Variants in TMEM132C observed in about 807,000 individuals in gnomAD.
TMEM132C encodes transmembrane protein 132C.
A neutral mutation model predicts 61.4 loss-of-function variants in TMEM132C; 29 were observed. That is an observed-to-expected ratio of 0.47 (90% CI 0.35 to 0.64). The LOEUF is 0.64. Among genes scored for constraint, TMEM132C ranks in the 30% least tolerant of loss-of-function variants. TMEM132C has a pLI of 0.00. For synonymous variants in TMEM132C, 656 were observed against 633.1 expected, an observed-to-expected ratio of 1.04 and a Z score of -0.54; for missense variants, 1,408 against 1,476.9, an observed-to-expected ratio of 0.95 and a Z score of 0.76.
At chr12:128,497,207 G>T (rs2136105631) in intron 2 of TMEM132C, among the ~76,000 whole-genome samples, 1 of 152,338 alleles carries the variant, frequency 6.6e-6, no homozygotes, top group East Asian at 1.9e-4. Flanking sequence ...CGTCTCAGAG[G>T]GGTACCCAGC....
intron 2 of TMEM132C, among the ~76,000 whole-genome samples, chr12:128,450,262 A>G (rs903763224): frequency 3.3e-5 from 5 of 152,174 alleles, no homozygotes; most frequent in African/African-American, 9.7e-5. Context: ...GCTACTGGCT[A>G]TCATATTGGA....
At chr12:128,463,783 G>A (rs1870624140) in intron 2 of TMEM132C, among the ~76,000 whole-genome samples, 1 of 152,022 alleles carries the variant, frequency 6.6e-6, no homozygotes, top group South Asian at 2.1e-4. Context: ...CCCCATTTGT[G>A]TGCCTTCCCT....
intron 3 of TMEM132C, among the ~76,000 whole-genome samples, chr12:128,600,692 G>A (rs12814445): frequency 0.31 from 47,322 of 152,014 alleles, 8,012 homozygotes; most frequent in Middle Eastern, 0.46. Context: ...AATGGATGGG[G>A]CCCTGATCAC....
In TMEM132C at chr12:128,570,347, G is replaced by A. The variant is rs188369130; in HGVS notation, c.1121+26244G>A. On this transcript the variant is annotated intron_variant, in intron 3 of 8. Transcript: ENST00000435159. The surrounding 1 kb of genome is among the most constrained non-coding windows in gnomAD (Gnocchi z 4.7). Reference sequence around the variant, plus strand: ...CTTTTCCAAGTAATTCACAACACGTGAGTGCATTCATGGGCCTTTACAAAT... The same window carrying A: ...CTTTTCCAAGTAATTCACAACACGTAAGTGCATTCATGGGCCTTTACAAAT... Among the ~76,000 whole-genome samples the A allele has an allele frequency of 2.0e-5, 3 of 152,302 alleles. No individual in the cohort carries two copies. Among genetic ancestry groups the A allele is most frequent in the Admixed American group, 1.3e-4 (2 of 15,298 alleles).
chr12:128,472,879 T>C (rs73422506), intron 2 of TMEM132C, among the ~76,000 whole-genome samples: 10,867 of 152,274 alleles, frequency 0.071, 458 homozygotes, highest in Middle Eastern at 0.1. Flanking sequence ...CACATATATA[T>C]GAAGTCTGGC....
In TMEM132C at chr12:128,620,132, T is replaced by C. The variant is rs189498634; in HGVS notation, c.1305+3797T>C. ...CTGTAGACCCAGCTCCTAGGGAGGC[T>C]GAGGTGGGAGGATCGCTTAAGCCCA... On this transcript the variant is annotated intron_variant, in intron 4 of 8. Transcript: ENST00000435159. 2.9e-4 allele frequency among the ~76,000 whole-genome samples: 43 copies of C among 146,214 alleles called. No individual in the cohort carries two copies. The East Asian group carries it at 7.9e-3, about 27-fold the overall frequency.
chr12:128,282,950 A>C (rs1428016515), intron 1 of TMEM132C, among the ~76,000 whole-genome samples: 3 of 152,156 alleles, frequency 2.0e-5, no homozygotes, highest in Non-Finnish European at 4.4e-5. Context: ...AATATTAATG[A>C]TGTTCTCTTT....
intron 3 of TMEM132C, among the ~76,000 whole-genome samples, chr12:128,606,972 G>A (rs1054268071): frequency 5.9e-5 from 9 of 152,306 alleles, no homozygotes; most frequent in African/African-American, 2.2e-4. Context: ...TAGATAAGAG[G>A]AGGTGGAAGA....
rs563415515 is a variant in TMEM132C, at chr12:128,550,089, C to A, written c.1121+5986C>A. 3.3e-5 allele frequency among the ~76,000 whole-genome samples: 5 copies of A among 152,322 alleles called. No individual in the cohort carries two copies. The South Asian group carries it at 1.0e-3, about 32-fold the overall frequency. On this transcript the variant is annotated intron_variant, in intron 3 of 8. Transcript: ENST00000435159. ...CGGTAGGTGTGTTAGCCAGCTAGGG[C>A]TGCCTGAACAAAATTCCACAGACTG...
intron 2 of TMEM132C, among the ~76,000 whole-genome samples, chr12:128,444,999 G>T (rs373824516): frequency 3.7e-4 from 56 of 152,212 alleles, no homozygotes; most frequent in African/African-American, 1.3e-3. Context: ...CTTTCCCGCC[G>T]TTGGGGTTAA....
At chr12:128,665,208 AACAG>A (rs1044856117) in intron 4 of TMEM132C, among the ~76,000 whole-genome samples, 3 of 126,640 alleles carry the variant, frequency 2.4e-5, no homozygotes, top group African/African-American at 9.2e-5. Flanking sequence ...CCCATATGTA[AACAG>A]ACACTCATAC....
intron 1 of TMEM132C, among the ~76,000 whole-genome samples, chr12:128,307,927 G>A (rs892250537): frequency 6.6e-6 from 1 of 152,192 alleles, no homozygotes; most frequent in Non-Finnish European, 1.5e-5. Flanking sequence ...CTGACTGTCA[G>A]TCCCTTAGGG....
intron 1 of TMEM132C, among the ~76,000 whole-genome samples, chr12:128,381,902 T>A (rs747391672): frequency 1.1e-3 from 162 of 152,170 alleles, no homozygotes; most frequent in Non-Finnish European, 1.6e-3. Context: ...GGGAGTTTGC[T>A]TTTAAGAGGA....
At position 128,695,885 on chromosome 12, in the gene TMEM132C, G is replaced by A. The variant is rs908357459; in HGVS notation, c.1711G>A (p.Ala571Thr). The change falls in exon 7 of 9, where the codon GCA becomes ACA. Residue 571 changes from alanine to threonine, a missense_variant. By Grantham distance (58) the Ala-to-Thr change is moderately conservative (BLOSUM62 0). Transcript: ENST00000435159. ...GGAGGAGCGGCGGGGCCGGGGCTGC[G>A]CACTGCAATACCAGCACGCCACCGT... ...DEEERRGRGC[A>T]LQYQHATVRV... 1.2e-5 allele frequency: 19 copies of A among 1,550,752 alleles called. No homozygotes were observed. The highest frequency in any genetic ancestry group is 2.7e-5 in the African/African-American group (2 of 73,038).
At chr12:128,676,094 G>A (rs1212721129) in intron 5 of TMEM132C, among the ~76,000 whole-genome samples, 21 of 152,066 alleles carry the variant, frequency 1.4e-4, no homozygotes, top group Admixed American at 1.4e-3. Context: ...TTGGCCAACC[G>A]TGTCTTGTGG....
intron 1 of TMEM132C, among the ~76,000 whole-genome samples, chr12:128,290,606 G>A (rs1252257662): frequency 6.6e-6 from 1 of 152,108 alleles, no homozygotes; most frequent in Non-Finnish European, 1.5e-5. Flanking sequence ...GTCCCCCCTG[G>A]CCAGGTGCTG....
intron 1 of TMEM132C, among the ~76,000 whole-genome samples, chr12:128,276,032 A>G (rs1870678647): frequency 6.6e-6 from 1 of 152,158 alleles, no homozygotes; most frequent in Non-Finnish European, 1.5e-5. Flanking sequence ...CTGTCTTATA[A>G]GGATACCGGT....
Position 128,576,635 on chromosome 12 carries a change from C to T in TMEM132C, c.1121+32532C>T, listed in dbSNP as rs563901267. 9.8e-5 allele frequency among the ~76,000 whole-genome samples: 15 copies of T among 152,318 alleles called. No homozygotes were observed. In the South Asian group the frequency reaches 1.0e-3, roughly 11 times the overall value. The stretch of plus-strand genomic sequence containing the variant: ...TGGCACTTGGTATGCATCTCTTAAT[C>T]GTCACATCCATCCTCTGCAATTATT... On this transcript the variant is annotated intron_variant, in intron 3 of 8. Transcript: ENST00000435159.
chr12:128,500,054 C>T lies in TMEM132C; in HGVS notation c.975-43903C>T, dbSNP rs112830240. Among the ~76,000 whole-genome samples, 71 of 152,286 alleles carry T rather than the reference C, an allele frequency of 4.7e-4. 1 individual carries two copies. The highest frequency in any genetic ancestry group is 1.5e-3 in the African/African-American group (63 of 41,560). ...GCATGCTCACTAGCATTCATATTGC[C>T]TGTCTTTTGGATAAAAGCCATAAGA... is the stretch of plus-strand genomic sequence containing the variant. On this transcript the variant is annotated intron_variant, in intron 2 of 8. Coordinates refer to ENST00000435159, the MANE Select transcript of TMEM132C (RefSeq NM_001136103.3).
Sources: gnomAD v4.1 joint callset for allele counts (sites outside exome capture counted in the v4.1 genomes callset) on GRCh38, gnomAD v4.1.1 for gene constraint, Gnocchi (gnomAD v3.1) non-coding constraint, MANE v1.5 for transcripts, NCBI Gene and HGNC (gene_info 2026-07-23, HGNC 2026-07-21) for gene names.